The following SEMA3A variants were observed in gnomAD, a reference collection of about 807,000 sequenced individuals.
SEMA3A encodes semaphorin 3A, also known as semaphorin-3A.
SEMA3A carries 29 observed loss-of-function variants against 97.9 expected under a neutral mutation model. That is an observed-to-expected ratio of 0.30 (90% CI 0.22 to 0.40). The LOEUF is 0.40. Among genes scored for constraint, SEMA3A ranks in the 10% least tolerant of loss-of-function variants. SEMA3A has a pLI of 1.00. For missense variants in SEMA3A, 763 were observed against 951.3 expected, an observed-to-expected ratio of 0.80 and a Z score of 2.60; for synonymous variants, 321 against 323.7, an observed-to-expected ratio of 0.99 and a Z score of 0.09.
At position 84,117,178 on chromosome 7, in the gene SEMA3A, T is replaced by G. The variant is rs1002581904; in HGVS notation, c.334-6589A>C. The stretch of plus-strand genomic sequence containing the variant: ...ATGCACATATATGTGGATATTTGTA[T>G]GCAAACCATATGTATATATCAACTT... On this transcript the variant is annotated intron_variant, in intron 3 of 16. Coordinates refer to ENST00000265362, the MANE Select transcript of SEMA3A (RefSeq NM_006080.3). Among the ~76,000 whole-genome samples, 66 of 152,332 alleles carry G rather than the reference T, an allele frequency of 4.3e-4. 1 individual carries two copies. Among genetic ancestry groups the G allele is most frequent in the African/African-American group, 1.4e-3 (59 of 41,570 alleles).
chr7:84,196,740 T>G (rs1184701822), upstream of SEMA3A, among the ~76,000 whole-genome samples: 1 of 152,196 alleles, frequency 6.6e-6, no homozygotes, highest in Non-Finnish European at 1.5e-5. Context: ...GAGGAATTCA[T>G]GTCGCTTTGG....
rs573524074 is a variant in SEMA3A, at chr7:84,480,063, T to A, written c.-246+12397A>T. 5.9e-5 allele frequency among the ~76,000 whole-genome samples: 9 copies of A among 152,328 alleles called. No homozygotes were observed. The East Asian group carries it at 1.7e-3, about 29-fold the overall frequency. ...CATCACTAACCCTTAAATGACAACA[T>A]GATTAATTAGATAAAGAAGTTTACT... On this transcript the variant is annotated intron_variant, in intron 1 of 3. Transcript: ENST00000424555.
At chr7:84,083,074 C>A (rs1392241282) in intron 4 of SEMA3A, among the ~76,000 whole-genome samples, 1 of 151,536 alleles carries the variant, frequency 6.6e-6, no homozygotes, top group Non-Finnish European at 1.5e-5. Flanking sequence ...GTAAACCAGG[C>A]CCAAATTTGA....
chr7:84,145,471 C>A (rs548527843), intron 1 of SEMA3A, among the ~76,000 whole-genome samples: 2 of 152,026 alleles, frequency 1.3e-5, no homozygotes, highest in Admixed American at 1.3e-4. Flanking sequence ...TAAGAAAAAG[C>A]AAATGTAGCA....
intron 1 of SEMA3A, among the ~76,000 whole-genome samples, chr7:84,379,231 C>A (rs1803193456): frequency 6.6e-6 from 1 of 151,988 alleles, no homozygotes; most frequent in Non-Finnish European, 1.5e-5. Context: ...CCAGCCGTGA[C>A]AATATTTTTA....
intron 10 of SEMA3A, 121 bp downstream of exon 10, chr7:84,007,232 T>C (rs1190584633): frequency 1.3e-6 from 1 of 758,860 alleles, no homozygotes; most frequent in Non-Finnish European, 1.9e-6. Flanking sequence ...CTTTAATTTA[T>C]AATCTTGAAA....
At chr7:84,129,025 C>A in intron 3 of SEMA3A, 98 bp downstream of exon 3, 2 of 902,236 alleles carry the variant, frequency 2.2e-6, no homozygotes, top group Non-Finnish European at 3.7e-6. Flanking sequence ...CCCTTCCCCA[C>A]ACACACAAAA....
At position 84,076,327 on chromosome 7, in the gene SEMA3A, T is replaced by G. The variant is rs191972061; in HGVS notation, c.454-15769A>C. Among the ~76,000 whole-genome samples, 128 of 151,826 alleles carry G rather than the reference T, an allele frequency of 8.4e-4. 1 individual carries two copies. Among genetic ancestry groups the G allele is most frequent in the African/African-American group, 2.9e-3 (122 of 41,440 alleles). ...AATACATGGTGTGATTGTTCCACTTTTGTAGATAAAGTAGCAAAGAGACAG... is the reference window on the plus strand; with the variant it reads ...AATACATGGTGTGATTGTTCCACTTGTGTAGATAAAGTAGCAAAGAGACAG... On this transcript the variant is annotated intron_variant, in intron 4 of 16. Coordinates refer to ENST00000265362, the MANE Select transcript of SEMA3A (RefSeq NM_006080.3).
intron 2 of SEMA3A, among the ~76,000 whole-genome samples, chr7:84,363,371 A>G (rs1802769756): frequency 6.6e-6 from 1 of 151,912 alleles, no homozygotes; most frequent in South Asian, 2.1e-4. Context: ...TCACTCTCGG[A>G]CATTCGAAAA....
intron 15 of SEMA3A, among the ~76,000 whole-genome samples, chr7:83,964,209 C>T (rs1424324193): frequency 6.6e-6 from 1 of 152,072 alleles, no homozygotes; most frequent in East Asian, 1.9e-4. Flanking sequence ...AGGTAAAACT[C>T]ATTTAGAGAA....
rs114354162 is a variant in SEMA3A, at chr7:84,061,680, G to A, written c.454-1122C>T. 7.8e-3 allele frequency among the ~76,000 whole-genome samples: 1,187 copies of A among 152,024 alleles called. 10 individuals carry two copies. Among genetic ancestry groups the A allele is most frequent in the Middle Eastern group, 0.034 (10 of 294 alleles). ...ATTTTGTTTAACATTTAATATTTCT[G>A]ATGGAACTAATGGCAGGGTTTCAAA... On this transcript the variant is annotated intron_variant, in intron 4 of 16. Transcript: ENST00000265362.
At chr7:84,490,920 G>C (rs1434319111) in intron 1 of SEMA3A, among the ~76,000 whole-genome samples, 1 of 152,056 alleles carries the variant, frequency 6.6e-6, no homozygotes, top group East Asian at 1.9e-4. Flanking sequence ...CTCCCTGTAG[G>C]GGGTAGACAT....
At chr7:84,233,838 A>G in intron 3 of SEMA3A, among the ~76,000 whole-genome samples, 1 of 152,022 alleles carries the variant, frequency 6.6e-6, no homozygotes, top group East Asian at 1.9e-4. Context: ...GCAAAGATGT[A>G]GCAGTGCTTT....
chr7:84,173,337 C>T (rs1797451679), intron 1 of SEMA3A, among the ~76,000 whole-genome samples: 1 of 151,930 alleles, frequency 6.6e-6, no homozygotes, highest in Admixed American at 6.6e-5. Context: ...GGGTGAATCA[C>T]CTGAGATCAG....
chr7:84,366,802 A>G (rs976361231), intron 2 of SEMA3A, among the ~76,000 whole-genome samples: 2 of 151,342 alleles, frequency 1.3e-5, no homozygotes, highest in Non-Finnish European at 3.0e-5. Context: ...AGTGATAGGC[A>G]TACTAGTGGT....
intron 11 of SEMA3A, among the ~76,000 whole-genome samples, chr7:84,004,922 T>C (rs1790603922): frequency 6.6e-6 from 1 of 152,170 alleles, no homozygotes; most frequent in South Asian, 2.1e-4. Context: ...AATCTTCATC[T>C]GCTCCTACCA....
chr7:84,000,044 T>C (rs1220794242), intron 12 of SEMA3A, among the ~76,000 whole-genome samples: 1 of 152,100 alleles, frequency 6.6e-6, no homozygotes. Flanking sequence ...ACTCATTTAA[T>C]ACATGTTGGT....
At chr7:83,992,870 C>A (rs1325560390) in intron 12 of SEMA3A, among the ~76,000 whole-genome samples, 18 of 151,854 alleles carry the variant, frequency 1.2e-4, no homozygotes. Flanking sequence ...TCCTGGGTAT[C>A]CTTGTTGACT....
intron 3 of SEMA3A, among the ~76,000 whole-genome samples, chr7:84,205,186 T>C (rs796694622): frequency 2.6e-5 from 4 of 152,330 alleles, no homozygotes; most frequent in African/African-American, 7.2e-5. Flanking sequence ...ACAATTATTA[T>C]GGGAATATCT....
Sources: gnomAD v4.1 joint callset for allele counts (sites outside exome capture counted in the v4.1 genomes callset) on GRCh38, gnomAD v4.1.1 for gene constraint, MANE v1.5 for transcripts, NCBI Gene and HGNC (gene_info 2026-07-23, HGNC 2026-07-21) for gene names.